Variants in BCOR observed in about 807,000 individuals in gnomAD.
The protein encoded by BCOR is BCL6 corepressor.
A neutral mutation model predicts 86.7 loss-of-function variants in BCOR; 10 were observed. The ratio of observed to expected loss-of-function variants is 0.12; its 90% CI spans 0.07 to 0.20. The LOEUF is 0.20. Ranked by LOEUF, BCOR falls within the 10% of genes least tolerant of loss-of-function variation. The pLI, the probability that BCOR is intolerant of heterozygous loss-of-function variation, is 1.00. For synonymous variants in BCOR, 611 were observed against 609.0 expected, an observed-to-expected ratio of 1.00 and a Z score of -0.05; for missense variants, 1,259 against 1,452.1, an observed-to-expected ratio of 0.87 and a Z score of 2.16.
intron 1 of BCOR, among the ~76,000 whole-genome samples, chrX:40,154,497 G>A (rs1938243586): frequency 1.8e-5 from 2 of 110,812 alleles, no homozygotes; most frequent in Admixed American, 9.4e-5. Context: ...AGAGCAGCTG[G>A]CGATCTCTCC....
In BCOR at chrX:40,077,975, A is replaced by G. The variant is rs751175488; in HGVS notation, c.-40-6T>C. 2.8e-6 allele frequency: 3 copies of G among 1,084,308 alleles called. No individual in the cohort carries two copies. The highest frequency in any genetic ancestry group is 3.8e-6 in the Non-Finnish European group (3 of 779,991). 89.4% of individuals were successfully genotyped at this position (1,084,308 alleles called of 1,213,427 possible). The stretch of plus-strand genomic sequence containing the variant: ...CTTTGCTTCAAGCGTCTAGTCTGTT[A>G]AAAGGAAAGAAAAAAAATCCCAGGA... On this transcript the variant is annotated splice_polypyrimidine_tract_variant and splice_region_variant and intron_variant, in intron 1 of 14. Transcript: ENST00000378444.
intron 1 of BCOR, among the ~76,000 whole-genome samples, chrX:40,093,150 C>T (rs1315648848): frequency 8.9e-6 from 1 of 112,212 alleles, no homozygotes; most frequent in Non-Finnish European, 1.9e-5. Flanking sequence ...ATTTGCATAC[C>T]CATGTTTACA....
chrX:40,093,437 TGA>T (rs2147654757), intron 1 of BCOR, among the ~76,000 whole-genome samples: 1 of 111,740 alleles, frequency 8.9e-6, no homozygotes, highest in East Asian at 2.8e-4. Flanking sequence ...ATGTTAGTAA[TGA>T]GTTATTTATG....
chrX:40,115,367 GTTTC>G (rs757526611), intron 1 of BCOR, among the ~76,000 whole-genome samples: 69 of 112,306 alleles, frequency 6.1e-4, no homozygotes, highest in Non-Finnish European at 1.1e-3. Flanking sequence ...CATAAAAGGA[GTTTC>G]TTTCTTTCTG....
chrX:40,074,358 C>T lies in BCOR; in HGVS notation c.988G>A (p.Ala330Thr). Residue 330 changes from alanine (A) to threonine (T), a missense_variant, in exon 4 of 15, where the codon GCT becomes ACT. Ala to Thr is a moderately conservative substitution (Grantham distance 58). Coordinates refer to ENST00000378444, the MANE Select transcript of BCOR (RefSeq NM_001123385.2). ...AVTSGLPGDT[A>T]LLLPPSPRPS... ...CGAGGCGAGGGGGGCAACAGGAGAG[C>T]TGTGTCCCCCGGCAGGCCACTGGTG... 2 of 1,211,188 alleles carry T rather than the reference C, an allele frequency of 1.7e-6. No individual in the cohort carries two copies. Among genetic ancestry groups the T allele is most frequent in the Non-Finnish European group, 2.2e-6 (2 of 895,172 alleles).
At chrX:40,145,687 TG>T (rs1296228432) in intron 1 of BCOR, among the ~76,000 whole-genome samples, 1 of 111,545 alleles carries the variant, frequency 9.0e-6, no homozygotes, top group Non-Finnish European at 1.9e-5. Context: ...TAAGAGCGGC[TG>T]GGGAGGGTAG....
intron 3 of BCOR, among the ~76,000 whole-genome samples, chrX:40,075,733 C>A (rs1267539381): frequency 9.0e-6 from 1 of 110,782 alleles, no homozygotes; most frequent in East Asian, 2.8e-4. Flanking sequence ...CACTCCAGGC[C>A]GGGCGACACA....
Position 40,063,087 on chromosome X carries a change from G to T in BCOR, c.3848-16C>A. 1.0e-6 allele frequency: 1 copy of T among 1,000,739 alleles called. No homozygotes were observed. The allele number at this position is 1,000,739 out of a possible 1,213,427, so 82.5% of individuals were successfully genotyped here. A position where few individuals can be genotyped will look rare whatever the true frequency, so the allele number is the denominator to read the frequency against. On this transcript the variant is annotated splice_polypyrimidine_tract_variant and intron_variant, in intron 8 of 14. Coordinates refer to ENST00000378444, the MANE Select transcript of BCOR (RefSeq NM_001123385.2). ...ACAGGCAAGCCTAAATACGGAGGGG[G>T]TGACGGGGTGGCGGGCGGATGGGAG...
exon 1 of BCOR, chrX:40,177,054 A>G (rs915848908): frequency 3.7e-5 from 4 of 107,835 alleles, no homozygotes; most frequent in Non-Finnish European, 7.7e-5. Context: ...CATTCCGTTC[A>G]AACCCAGCAG....
chrX:40,172,954 G>A (rs1056223359), intron 1 of BCOR, among the ~76,000 whole-genome samples: 4 of 112,927 alleles, frequency 3.5e-5, no homozygotes, highest in Non-Finnish European at 7.5e-5. Context: ...GGTGGGCCAG[G>A]GGGGCCTTTG....
intron 1 of BCOR, among the ~76,000 whole-genome samples, chrX:40,080,658 C>T (rs1473085690): frequency 9.0e-6 from 1 of 111,320 alleles, no homozygotes; most frequent in African/African-American, 3.3e-5. Context: ...CCTGGGCCTA[C>T]TGGGTGCTTT....
At chrX:40,114,297 G>T (rs910932331) in intron 1 of BCOR, among the ~76,000 whole-genome samples, 28 of 111,101 alleles carry the variant, frequency 2.5e-4, no homozygotes, top group South Asian at 1.9e-3. Context: ...TAAGGCTGGG[G>T]GAGACACTGT....
intron 1 of BCOR, among the ~76,000 whole-genome samples, chrX:40,133,099 T>C (rs1290555982): frequency 8.9e-6 from 1 of 112,088 alleles, no homozygotes; most frequent in Non-Finnish European, 1.9e-5. Flanking sequence ...TCCCTCATGA[T>C]CTGAGCTCAT....
In BCOR at chrX:40,160,400, A is replaced by T. The variant is rs776166717; in HGVS notation, c.-41+16607T>A. The stretch of plus-strand genomic sequence containing the variant: ...CTCCCAGAGTGCTGGGATTACAGGC[A>T]TGAGCCACCACGCCCGGCCGGATTA... On this transcript the variant is annotated intron_variant, in intron 1 of 14. Transcript: ENST00000342274. Among the ~76,000 whole-genome samples the T allele has an allele frequency of 8.3e-5, 9 of 108,986 alleles. No homozygotes were observed. In the South Asian group the frequency reaches 3.1e-3, roughly 38 times the overall value. The allele number at this position is 108,986 out of a possible 115,157, so 94.6% of individuals were successfully genotyped here. A position where few individuals can be genotyped will look rare whatever the true frequency, so the allele number is the denominator to read the frequency against.
intron 1 of BCOR, among the ~76,000 whole-genome samples, chrX:40,144,411 T>C (rs1937994832): frequency 9.0e-6 from 1 of 111,356 alleles, no homozygotes; most frequent in African/African-American, 3.3e-5. Context: ...TGCCCCAAAA[T>C]GACAAACGCC....
chrX:40,079,405 C>A (rs1482723847), intron 1 of BCOR, among the ~76,000 whole-genome samples: 2 of 111,960 alleles, frequency 1.8e-5, no homozygotes, highest in African/African-American at 6.5e-5. Flanking sequence ...TAAGGGGACA[C>A]CTGGGGGATG....
intron 1 of BCOR, among the ~76,000 whole-genome samples, chrX:40,118,324 G>A (rs781244632): frequency 4.5e-5 from 5 of 110,471 alleles, no homozygotes; most frequent in African/African-American, 1.3e-4. Flanking sequence ...GTGCAGTGGC[G>A]CGATCTCAGC....
chrX:40,110,779 T>C (rs59269143), intron 1 of BCOR, among the ~76,000 whole-genome samples: 16,821 of 88,449 alleles, frequency 0.19, 3,456 homozygotes, highest in African/African-American at 0.57. Flanking sequence ...GGCATGATCT[T>C]GGCTCACTGC....
intron 1 of BCOR, among the ~76,000 whole-genome samples, chrX:40,106,362 C>T (rs965066869): frequency 1.8e-5 from 2 of 112,333 alleles, no homozygotes; most frequent in African/African-American, 3.2e-5. Flanking sequence ...GCGGGGGGCG[C>T]GGGCTCGGGC....
Sources: allele counts gnomAD v4.1 joint callset (sites outside exome capture counted in the v4.1 genomes callset), GRCh38; gene constraint gnomAD v4.1.1; transcripts MANE v1.5; gene names NCBI Gene and HGNC (gene_info 2026-07-23, HGNC 2026-07-21).